Variants in SLC28A3 observed in about 807,000 individuals in gnomAD.
The protein encoded by SLC28A3 is solute carrier family 28 member 3.
Under a neutral mutation model 84.2 loss-of-function variants are expected in SLC28A3, and 68 were observed. That is an observed-to-expected ratio of 0.81 (90% CI 0.66 to 0.99). The LOEUF is 0.99. Among genes scored for constraint, SLC28A3 ranks in the 50% least tolerant of loss-of-function variants. SLC28A3 has a pLI of 0.00. For missense variants in SLC28A3, 712 were observed against 841.5 expected (o/e 0.85, Z 1.90); for synonymous variants, 267 against 303.6 (o/e 0.88, Z 1.25).
chr9:84,289,513 G>A (rs1825128138), intron 11 of SLC28A3, among the ~76,000 whole-genome samples: 1 of 152,174 alleles, frequency 6.6e-6, no homozygotes, highest in Non-Finnish European at 1.5e-5. Flanking sequence ...AAAAAATATT[G>A]ATGGCTGGGT....
At chr9:84,345,537 T>C (rs1287866095), upstream of SLC28A3, among the ~76,000 whole-genome samples, 1 of 152,222 alleles carries the variant, frequency 6.6e-6, no homozygotes, top group African/African-American at 2.4e-5. Flanking sequence ...AATGTAACGA[T>C]GTGTTTTCTT....
chr9:84,321,584 A>G (rs1281525708), intron 1 of SLC28A3, among the ~76,000 whole-genome samples: 1 of 151,574 alleles, frequency 6.6e-6, no homozygotes, highest in Non-Finnish European at 1.5e-5. Flanking sequence ...ATACAAAAAA[A>G]TTAGCCAGGC....
the SLC28A3 span, among the ~76,000 whole-genome samples, chr9:84,368,433 C>T: frequency 6.6e-6 from 1 of 152,002 alleles, no homozygotes; most frequent in Non-Finnish European, 1.5e-5. Flanking sequence ...TCTTCTTTTC[C>T]CCCACACTGA....
intron 10 of SLC28A3, among the ~76,000 whole-genome samples, chr9:84,291,346 T>TC (rs1263964361): frequency 6.6e-6 from 1 of 152,166 alleles, no homozygotes; most frequent in African/African-American, 2.4e-5. Context: ...AGGTTTTTTT[T>TC]CTTTTTTGAG....
At position 84,288,113 on chromosome 9, in the gene SLC28A3, T is replaced by A; in HGVS notation, c.1215A>T (p.Lys405Asn). The part of the protein sequence containing the change: ...MSAPASLAAA[K>N]LFWPETEKPK... ...GTTTTTCTGTCTCAGGCCAAAAGAG[T>A]TTAGCAGCAGCCAATGACGCAGGTG... is the stretch of plus-strand genomic sequence containing the variant. The change falls in exon 12 of 18, where the codon AAA becomes AAT. Residue 405 changes from lysine (K) to asparagine (N), a missense_variant. By Grantham distance (94) the Lys-to-Asn change is moderately conservative. Transcript: ENST00000376238. The A allele has an allele frequency of 6.2e-7, 1 of 1,613,974 alleles. No homozygotes were observed. Among genetic ancestry groups the A allele is most frequent in the Non-Finnish European group, 8.5e-7 (1 of 1,179,970 alleles).
At chr9:84,337,130 A>G (rs1827002807) in intron 1 of SLC28A3, among the ~76,000 whole-genome samples, 1 of 152,218 alleles carries the variant, frequency 6.6e-6, no homozygotes, top group South Asian at 2.1e-4. Context: ...AATATAAAAA[A>G]TAATAAATAT....
At chr9:84,311,174 C>T (rs1481635632) in intron 2 of SLC28A3, among the ~76,000 whole-genome samples, 1 of 152,192 alleles carries the variant, frequency 6.6e-6, no homozygotes, top group Non-Finnish European at 1.5e-5. Flanking sequence ...GCCAATGTCA[C>T]CCAAGGCCCA....
intron 12 of SLC28A3, 108 bp from the exon 13 acceptor site, chr9:84,286,219 G>A (rs1469846404): frequency 2.8e-6 from 3 of 1,065,224 alleles, no homozygotes; most frequent in Non-Finnish European, 4.0e-6. Flanking sequence ...CAAACTCTAA[G>A]GCCCCTGCCT....
intron 14 of SLC28A3, among the ~76,000 whole-genome samples, chr9:84,284,855 C>A (rs1022410215): frequency 6.6e-6 from 1 of 152,174 alleles, no homozygotes; most frequent in Admixed American, 6.5e-5. Flanking sequence ...CACTAACTCT[C>A]GAGGATGTCC....
intron 3 of SLC28A3, 82 bp downstream of exon 3, chr9:84,309,547 A>C: frequency 1.3e-6 from 1 of 790,084 alleles, no homozygotes; most frequent in Non-Finnish European, 1.9e-6. Context: ...AAAAAAAAAA[A>C]AGAAATCAAA....
intron 1 of SLC28A3, among the ~76,000 whole-genome samples, chr9:84,318,522 G>A (rs1001892025): frequency 2.6e-5 from 4 of 152,164 alleles, no homozygotes; most frequent in Non-Finnish European, 4.4e-5. Context: ...AAACTTAAAG[G>A]AAGGTTTATA....
At chr9:84,339,532 G>A (rs1484766937) in intron 1 of SLC28A3, among the ~76,000 whole-genome samples, 1 of 152,184 alleles carries the variant, frequency 6.6e-6, no homozygotes, top group African/African-American at 2.4e-5. Context: ...TTACAGGCAT[G>A]AGGCACCACT....
At chr9:84,305,761 C>A (rs1318600132) in intron 3 of SLC28A3, among the ~76,000 whole-genome samples, 1 of 152,150 alleles carries the variant, frequency 6.6e-6, no homozygotes, top group East Asian at 1.9e-4. Flanking sequence ...CTCTGTCATC[C>A]CTCTTGGTTT....
chr9:84,342,530 A>T (rs1827184878), upstream of SLC28A3, among the ~76,000 whole-genome samples: 1 of 151,620 alleles, frequency 6.6e-6, no homozygotes, highest in African/African-American at 2.4e-5. Flanking sequence ...CTCCTGTCTC[A>T]GCCTCCCGAG....
chr9:84,367,019 TG>T, the SLC28A3 span, among the ~76,000 whole-genome samples: 1 of 152,118 alleles, frequency 6.6e-6, no homozygotes, highest in African/African-American at 2.4e-5. Context: ...AGGTGCTGTC[TG>T]GGCCTCAGGG....
At chr9:84,323,863 C>G (rs1368626415) in intron 1 of SLC28A3, among the ~76,000 whole-genome samples, 1 of 152,092 alleles carries the variant, frequency 6.6e-6, no homozygotes, top group South Asian at 2.1e-4. Flanking sequence ...TCCTCCCTCT[C>G]CCATGTCCTC....
intron 1 of SLC28A3, among the ~76,000 whole-genome samples, chr9:84,337,482 GCA>G (rs372628069): frequency 2.3e-4 from 35 of 152,170 alleles, no homozygotes; most frequent in African/African-American, 8.2e-4. Context: ...GTGAGTGTTT[GCA>G]CACGTGTGTG....
upstream of SLC28A3, among the ~76,000 whole-genome samples, chr9:84,341,789 AT>A (rs763390061): frequency 4.0e-4 from 60 of 151,530 alleles, no homozygotes; most frequent in Non-Finnish European, 7.4e-4. Flanking sequence ...TAAAATAGGG[AT>A]TTTCCCCCCT....
At chr9:84,289,411 C>G (rs549984979) in intron 11 of SLC28A3, among the ~76,000 whole-genome samples, 2 of 152,234 alleles carry the variant, frequency 1.3e-5, no homozygotes, top group East Asian at 3.9e-4. Context: ...CTCTATGGGT[C>G]GGGGTGCACG....
Sources: allele counts gnomAD v4.1 joint callset (sites outside exome capture counted in the v4.1 genomes callset), GRCh38; gene constraint gnomAD v4.1.1; transcripts MANE v1.5; gene names NCBI Gene and HGNC (gene_info 2026-07-23, HGNC 2026-07-21).